Variants in OSBPL5 observed in about 807,000 individuals in gnomAD.
OSBPL5 encodes the protein oxysterol-binding protein-related protein 5.
A neutral mutation model predicts 111.2 loss-of-function variants in OSBPL5; 71 were observed. The ratio of observed to expected loss-of-function variants is 0.64; its 90% CI spans 0.53 to 0.78. OSBPL5 has a LOEUF of 0.78. Among genes scored for constraint, OSBPL5 ranks in the 30% least tolerant of loss-of-function variants. The pLI is 0.00. For missense variants in OSBPL5, 1,210 were observed against 1,189.3 expected (o/e 1.02, Z -0.26); for synonymous variants, 549 against 513.9 (o/e 1.07, Z -0.93).
rs770678661 is a variant in OSBPL5 at position 3,122,391 on chromosome 11, C to A, written c.257G>T (p.Cys86Phe). ...GGTGACCCTGGCGGTGGGGGACACA[C>A]ATTCCTTGTCTGACCCGTTGCACAG... ...YRLCNGSDKE[C>F]VSPTARVTKK... The change falls in exon 4 of 22, where the codon TGT (cysteine) becomes TTT (phenylalanine). Residue 86 changes from cysteine (C) to phenylalanine (F), a missense_variant. Coordinates refer to ENST00000263650, the MANE Select transcript of OSBPL5 (RefSeq NM_020896.4). 6.2e-7 allele frequency: 1 copy of A among 1,613,912 alleles called. No homozygotes were observed. The highest frequency in any genetic ancestry group is 2.2e-5 in the East Asian group (1 of 44,864).
In OSBPL5 at chr11:3,093,356, T is replaced by A. The variant is rs149898728; in HGVS notation, c.1946+171A>T. The A allele has an allele frequency of 3.1e-4, 334 of 1,088,858 alleles. 1 individual carries two copies. In the African/African-American group the frequency reaches 5.0e-3, roughly 16 times the overall value. 67.4% of individuals were successfully genotyped at this position (1,088,858 alleles called of 1,614,324 possible). On this transcript the variant is annotated intron_variant, in intron 17 of 21. Transcript: ENST00000263650. ...TCCTCTCCAGGCCACACCCCTTCCC[T>A]CCATCTGTCCTTTCCAGGACACGTG...
At chr11:3,119,421 C>T (rs1232735502) in intron 7 of OSBPL5, 126 bp downstream of exon 7, 6 of 973,388 alleles carry the variant, frequency 6.2e-6, no homozygotes, top group Non-Finnish European at 8.7e-6. Context: ...CCTGGCCAGA[C>T]TTCAGGCTGC....
At chr11:3,100,386 C>G in intron 13 of OSBPL5, 130 bp from the exon 14 acceptor site, 1 of 740,524 alleles carries the variant, frequency 1.4e-6, no homozygotes, top group Non-Finnish European at 2.3e-6. Flanking sequence ...AGTGGTGTGT[C>G]TGTGCGTGAG....
chr11:3,121,965 T>C lies in OSBPL5; in HGVS notation c.402+32A>G, dbSNP rs775599838. ...TATGGCAGCAGCACGCTGACCCGTGTCCTGGGTGGCCGGAGGCCGGGCATC... is the reference window on the plus strand; with the variant it reads ...TATGGCAGCAGCACGCTGACCCGTGCCCTGGGTGGCCGGAGGCCGGGCATC... On this transcript the variant is annotated intron_variant, in intron 5 of 21. Transcript: ENST00000263650. This position sits in a 1 kb window ranked among gnomAD's most constrained non-coding sequence, Gnocchi z 4.3. 11 of 1,528,972 alleles carry C rather than the reference T, an allele frequency of 7.2e-6. No homozygotes were observed. In the African/African-American group the frequency reaches 1.4e-4, roughly 19 times the overall value. 94.7% of individuals were successfully genotyped at this position (1,528,972 alleles called of 1,614,324 possible). A position where few individuals can be genotyped will look rare whatever the true frequency, so the allele number is the denominator to read the frequency against.
In OSBPL5 at chr11:3,088,045, G is replaced by C; in HGVS notation, c.*160C>G. 5.3e-6 allele frequency: 3 copies of C among 570,282 alleles called. No homozygotes were observed. The South Asian group carries it at 9.2e-5, about 17-fold the overall frequency. The allele number at this position is 570,282 out of a possible 1,614,324, so 35.3% of individuals were successfully genotyped here. A position where few individuals can be genotyped will look rare whatever the true frequency, so the allele number is the denominator to read the frequency against. ...CCTGAGAGGGGCCCAGCACACCTGG[G>C]CCCGCAGCGCCTTGTGGCCCCGGGT... is the stretch of plus-strand genomic sequence containing the variant. On this transcript the variant is annotated 3_prime_UTR_variant, in exon 22 of 22. Coordinates refer to ENST00000263650, the MANE Select transcript of OSBPL5 (RefSeq NM_020896.4).
Position 3,094,233 on chromosome 11 carries a change from C to T in OSBPL5, c.1719+4G>A, listed in dbSNP as rs761207518. On this transcript the variant is annotated splice_donor_region_variant and intron_variant, in intron 15 of 21. Transcript: ENST00000263650. Reference sequence around the variant, plus strand: ...CGTCTCCCCCAGGCTGCAGCCAGCGCTACCTTGAGTTTGAATTCCAGCTGG... The same window carrying T: ...CGTCTCCCCCAGGCTGCAGCCAGCGTTACCTTGAGTTTGAATTCCAGCTGG... The T allele has an allele frequency of 1.3e-5, 21 of 1,613,042 alleles. No homozygotes were observed. Among genetic ancestry groups the T allele is most frequent in the Non-Finnish European group, 1.7e-5 (20 of 1,179,822 alleles).
At chr11:3,144,843 C>G (rs374869967) in intron 1 of OSBPL5, among the ~76,000 whole-genome samples, 8 of 152,352 alleles carry the variant, frequency 5.3e-5, no homozygotes, top group Admixed American at 4.6e-4. Context: ...CCTGCGAGAG[C>G]CACCCCCCGG....
rs1345859439 is a variant in OSBPL5, at chr11:3,101,717, G to C, written c.1426-18C>G. ...TGGGACACCTGCGTGCAGGGAGGCG[G>C]CTCTGTAAACAGCCCCGGAAACAGG... is the stretch of plus-strand genomic sequence containing the variant. On this transcript the variant is annotated intron_variant, in intron 12 of 21. Coordinates refer to ENST00000263650, the MANE Select transcript of OSBPL5 (RefSeq NM_020896.4). 1.2e-6 allele frequency: 2 copies of C among 1,605,292 alleles called. No homozygotes were observed. The highest frequency in any genetic ancestry group is 1.7e-6 in the Non-Finnish European group (2 of 1,173,438).
chr11:3,144,488 G>A (rs1352095874), intron 1 of OSBPL5, among the ~76,000 whole-genome samples: 3 of 152,140 alleles, frequency 2.0e-5, no homozygotes, highest in African/African-American at 4.8e-5. Context: ...CAGCAAACCC[G>A]CCAGGCTCCG....
In OSBPL5 at chr11:3,109,302, C is replaced by T. The variant is rs1857826865; in HGVS notation, c.692-1357G>A. Among the ~76,000 whole-genome samples the T allele has an allele frequency of 1.3e-5, 2 of 151,866 alleles. No homozygotes were observed. The highest frequency in any genetic ancestry group is 2.1e-4 in the South Asian group (1 of 4,810). On this transcript the variant is annotated intron_variant, in intron 7 of 21. Coordinates refer to ENST00000263650, the MANE Select transcript of OSBPL5 (RefSeq NM_020896.4). This position sits in a 1 kb window ranked among gnomAD's most constrained non-coding sequence, Gnocchi z 7.4. ...ACCATGTTGGCCAGGCTGGTCTCAA[C>T]CTCTGGGCCTCAAGTGATCTGCGTC... is the stretch of plus-strand genomic sequence containing the variant.
At chr11:3,088,937 GC>G (rs1856966494) in intron 21 of OSBPL5, among the ~76,000 whole-genome samples, 1 of 152,150 alleles carries the variant, frequency 6.6e-6, no homozygotes, top group Non-Finnish European at 1.5e-5. Context: ...CGAGCCCCTT[GC>G]CGGCAGTACT....
rs868161299 is a variant in OSBPL5 at position 3,104,942 on chromosome 11, C to G, written c.1060-565G>C. Reference sequence around the variant, plus strand: ...TGAGCCTGCTCCTGCAAAACCGACACGGGCATGTGAACTCACCCCTCACTT... The same window carrying G: ...TGAGCCTGCTCCTGCAAAACCGACAGGGGCATGTGAACTCACCCCTCACTT... On this transcript the variant is annotated intron_variant, in intron 9 of 21. Coordinates refer to ENST00000263650, the MANE Select transcript of OSBPL5 (RefSeq NM_020896.4). The surrounding 1 kb of genome is among the most constrained non-coding windows in gnomAD (Gnocchi z 5.0). Among the ~76,000 whole-genome samples the G allele has an allele frequency of 6.6e-6, 1 of 152,192 alleles. No individual in the cohort carries two copies. The highest frequency in any genetic ancestry group is 6.5e-5 in the Admixed American group (1 of 15,280).
At position 3,106,272 on chromosome 11, in the gene OSBPL5, A is replaced by G. The variant is rs1332448004; in HGVS notation, c.1059+991T>C. Among the ~76,000 whole-genome samples, 1 of 152,142 alleles carries G rather than the reference A, an allele frequency of 6.6e-6. No individual in the cohort carries two copies. Among genetic ancestry groups the G allele is most frequent in the African/African-American group, 2.4e-5 (1 of 41,424 alleles). ...CTGTCCAAACAACAGCAAGGAACGAATTCCCCTTTCCTGCTGAAACCGGGA... is the reference window on the plus strand; with the variant it reads ...CTGTCCAAACAACAGCAAGGAACGAGTTCCCCTTTCCTGCTGAAACCGGGA... On this transcript the variant is annotated intron_variant, in intron 9 of 21. Coordinates refer to ENST00000263650, the MANE Select transcript of OSBPL5 (RefSeq NM_020896.4). This position sits in a 1 kb window ranked among gnomAD's most constrained non-coding sequence, Gnocchi z 8.4.
Position 3,126,617 on chromosome 11 carries a change from G to A in OSBPL5, c.137-62C>T, listed in dbSNP as rs775372651. 5.4e-5 allele frequency: 78 copies of A among 1,437,436 alleles called. No homozygotes were observed. The Middle Eastern group carries it at 1.6e-3, about 30-fold the overall frequency. 89.0% of individuals were successfully genotyped at this position (1,437,436 alleles called of 1,614,324 possible). A position where few individuals can be genotyped will look rare whatever the true frequency, so the allele number is the denominator to read the frequency against. On this transcript the variant is annotated intron_variant, in intron 2 of 21. Transcript: ENST00000263650. This position sits in a 1 kb window ranked among gnomAD's most constrained non-coding sequence, Gnocchi z 6.5. ...GTGGCGTGGCCAGGCTTCTCAGGCC[G>A]CTGCCTGGTGTGAGGCAGGCGAAGC... is the stretch of plus-strand genomic sequence containing the variant.
chr11:3,164,736 A>G (rs1319609010), intron 1 of OSBPL5, among the ~76,000 whole-genome samples: 1 of 152,016 alleles, frequency 6.6e-6, no homozygotes, highest in Non-Finnish European at 1.5e-5. Context: ...GGGACGCCAG[A>G]CTCAGATCCC....
intron 1 of OSBPL5, among the ~76,000 whole-genome samples, chr11:3,151,331 G>C (rs947171519): frequency 6.6e-6 from 1 of 152,186 alleles, no homozygotes; most frequent in Non-Finnish European, 1.5e-5. Context: ...CAGCCCCAGA[G>C]CACTCATGCC....
chr11:3,158,023 A>G (rs7942908), intron 1 of OSBPL5, among the ~76,000 whole-genome samples: 99,819 of 152,114 alleles, frequency 0.66, 33,697 homozygotes, highest in African/African-American at 0.79. Context: ...GGCTGGGGAG[A>G]ATGACCCACT....
intron 1 of OSBPL5, among the ~76,000 whole-genome samples, chr11:3,163,497 C>T (rs1206328750): frequency 8.8e-6 from 1 of 114,104 alleles, no homozygotes; most frequent in African/African-American, 3.4e-5. Flanking sequence ...GCATTCTCAG[C>T]ATAGTAAATA....
At chr11:3,100,786 C>G (rs1348640252) in intron 13 of OSBPL5, among the ~76,000 whole-genome samples, 6 of 152,028 alleles carry the variant, frequency 3.9e-5, no homozygotes, top group Non-Finnish European at 8.8e-5. Context: ...GAAAAAGGTA[C>G]AACGGATGGG....
Sources: allele counts gnomAD v4.1 joint callset (sites outside exome capture counted in the v4.1 genomes callset), GRCh38; gene constraint gnomAD v4.1.1; non-coding constraint Gnocchi (gnomAD v3.1); transcripts MANE v1.5; gene names NCBI Gene and HGNC (gene_info 2026-07-23, HGNC 2026-07-21).